Variants in PDE9A observed in about 807,000 individuals in gnomAD.
The protein encoded by PDE9A is high affinity cGMP-specific 3',5'-cyclic phosphodiesterase 9A.
Under a neutral mutation model 87.4 loss-of-function variants are expected in PDE9A, and 60 were observed. The ratio of observed to expected loss-of-function variants is 0.69; its 90% confidence interval spans 0.56 to 0.85. PDE9A has a LOEUF of 0.85. PDE9A is among the 40% of genes least tolerant of loss of function. The pLI, the probability that PDE9A is intolerant of heterozygous loss-of-function variation, is 0.00. For synonymous variants in PDE9A, 272 were observed against 279.4 expected, an observed-to-expected ratio of 0.97 and a Z score of 0.27; for missense variants, 665 against 779.0, an observed-to-expected ratio of 0.85 and a Z score of 1.74.
chr21:42,772,292 G>T (rs996394901), intron 18 of PDE9A, 147 bp from the exon 19 acceptor site: 4 of 613,906 alleles, frequency 6.5e-6, no homozygotes, highest in Non-Finnish European at 1.2e-5. Context: ...AAAAGCCCAT[G>T]TCAGGAGTGC....
intron 1 of PDE9A, among the ~76,000 whole-genome samples, chr21:42,682,906 C>A (rs1043613193): frequency 2.6e-5 from 4 of 152,340 alleles, no homozygotes; most frequent in Non-Finnish European, 4.4e-5. Flanking sequence ...GGAACCTTTG[C>A]AGATATTGCC....
At chr21:42,689,705 A>C in intron 3 of PDE9A, 2 of 985,454 alleles carry the variant, frequency 2.0e-6, no homozygotes, top group South Asian at 9.4e-5. Context: ...AAGAGACAGT[A>C]TCAGACACAC....
In PDE9A at chr21:42,692,520, G is replaced by A. The variant is rs1022421802; in HGVS notation, c.218+4526G>A. Among the ~76,000 whole-genome samples, 1 of 152,096 alleles carries A rather than the reference G, an allele frequency of 6.6e-6. No homozygotes were observed. Among genetic ancestry groups the A allele is most frequent in the Non-Finnish European group, 1.5e-5 (1 of 68,006 alleles). On this transcript the variant is annotated intron_variant, in intron 3 of 19. Transcript: ENST00000291539. This position sits in a 1 kb window ranked among gnomAD's most constrained non-coding sequence, Gnocchi z 4.3. ...AACCTAGTAGTTCTCAGACAACTGC[G>A]TCAGAATCCGCAGGGGGCTTGGTGG...
chr21:42,659,422 C>T lies in PDE9A; in HGVS notation c.69+5539C>T, dbSNP rs534038520. ...ACAGCCTCGCCTCATCCGCCTTTCCCACTTGCCAGCCGGGAGGCCTGGGCA... is the reference window on the plus strand; with the variant it reads ...ACAGCCTCGCCTCATCCGCCTTTCCTACTTGCCAGCCGGGAGGCCTGGGCA... On this transcript the variant is annotated intron_variant, in intron 1 of 19. Coordinates refer to ENST00000291539, the MANE Select transcript of PDE9A (RefSeq NM_002606.3). This position sits in a 1 kb window ranked among gnomAD's most constrained non-coding sequence, Gnocchi z 4.1. Among the ~76,000 whole-genome samples the T allele has an allele frequency of 2.6e-3, 396 of 152,352 alleles. 1 individual carries two copies. The highest frequency in any genetic ancestry group is 5.3e-3 in the Admixed American group (81 of 15,304).
chr21:42,774,152 TAAAC>T (rs955350107), intron 19 of PDE9A, among the ~76,000 whole-genome samples: 9 of 152,068 alleles, frequency 5.9e-5, no homozygotes, highest in East Asian at 3.9e-4. Context: ...AATAAATAAA[TAAAC>T]AATAAATAAG....
chr21:42,770,683 A>C lies in PDE9A; in HGVS notation c.1591-20A>C. The C allele has an allele frequency of 6.3e-7, 1 of 1,592,244 alleles. No individual in the cohort carries two copies. Among genetic ancestry groups the C allele is most frequent in the South Asian group, 1.1e-5 (1 of 90,698 alleles). On this transcript the variant is annotated intron_variant, in intron 17 of 19. Transcript: ENST00000291539. Reference sequence around the variant, plus strand: ...CCTTAAGAACGAGGGACTCTGAATAAATCCGTGTGTCTCTCCCAGCTCTTC... The same window carrying C: ...CCTTAAGAACGAGGGACTCTGAATACATCCGTGTGTCTCTCCCAGCTCTTC...
intron 4 of PDE9A, chr21:42,700,767 G>A (rs2048323464): frequency 6.6e-6 from 1 of 152,172 alleles, no homozygotes; most frequent in Non-Finnish European, 1.5e-5. Flanking sequence ...CACCTTTGTG[G>A]AAAATCGATG....
chr21:42,772,129 C>T (rs533680659), intron 18 of PDE9A, among the ~76,000 whole-genome samples: 3 of 152,266 alleles, frequency 2.0e-5, no homozygotes, highest in Admixed American at 6.5e-5. Context: ...AGGAGAGACA[C>T]GCCAAAGAGG....
rs967343311 is a variant in PDE9A at position 42,760,580 on chromosome 21, C to T, written c.1002+148C>T. 6.3e-6 allele frequency: 4 copies of T among 636,978 alleles called. No homozygotes were observed. Among genetic ancestry groups the T allele is most frequent in the African/African-American group, 1.8e-5 (1 of 55,014 alleles). The allele number at this position is 636,978 out of a possible 1,614,324, so 39.5% of individuals were successfully genotyped here. A position where few individuals can be genotyped will look rare whatever the true frequency, so the allele number is the denominator to read the frequency against. Reference sequence around the variant, plus strand: ...GCCCCTCCTAGGGACGCACCCCTGCCCACCGTTGTCAGTCACCCCATGGGC... The same window carrying T: ...GCCCCTCCTAGGGACGCACCCCTGCTCACCGTTGTCAGTCACCCCATGGGC... On this transcript the variant is annotated intron_variant, in intron 12 of 19. Coordinates refer to ENST00000291539, the MANE Select transcript of PDE9A (RefSeq NM_002606.3). This position sits in a 1 kb window ranked among gnomAD's most constrained non-coding sequence, Gnocchi z 5.2.
chr21:42,742,911 A>C (rs777854579), intron 7 of PDE9A, among the ~76,000 whole-genome samples: 38 of 152,114 alleles, frequency 2.5e-4, no homozygotes, highest in Non-Finnish European at 5.3e-4. Context: ...CAATTTAGGG[A>C]GGGTCAGAAT....
At chr21:42,697,156 A>G (rs935147406) in intron 3 of PDE9A, among the ~76,000 whole-genome samples, 7 of 151,810 alleles carry the variant, frequency 4.6e-5, no homozygotes, top group African/African-American at 1.7e-4. Flanking sequence ...TCTAGTCCCC[A>G]GCACTTGGGC....
rs925507307 is a variant in PDE9A at position 42,705,864 on chromosome 21, C to T, written c.262+6853C>T. Among the ~76,000 whole-genome samples, 6 of 151,990 alleles carry T rather than the reference C, an allele frequency of 3.9e-5. No individual in the cohort carries two copies. The highest frequency in any genetic ancestry group is 7.4e-5 in the Non-Finnish European group (5 of 67,950). ...TCACACACACCCTGTTCAGCCTCTG[C>T]ATCTGGCCCCCGCGGAGACCCACAC... On this transcript the variant is annotated intron_variant, in intron 4 of 19. Coordinates refer to ENST00000291539, the MANE Select transcript of PDE9A (RefSeq NM_002606.3). The surrounding 1 kb of genome is among the most constrained non-coding windows in gnomAD (Gnocchi z 4.3).
chr21:42,671,623 CACAG>C (rs1475510035), intron 1 of PDE9A, among the ~76,000 whole-genome samples: 1 of 151,968 alleles, frequency 6.6e-6, no homozygotes, highest in Admixed American at 6.6e-5. Flanking sequence ...TGCAGATGTA[CACAG>C]ACAGATGGAT....
Position 42,775,456 on chromosome 21 carries a change from G to A in PDE9A, c.*163G>A, listed in dbSNP as rs1210800257. ...AAAAAAAAAAGGAATTCATGATGCT[G>A]TACAGAATTTTATTTTTAAACTGTC... On this transcript the variant is annotated 3_prime_UTR_variant, in exon 20 of 20. Transcript: ENST00000291539. 6 of 543,688 alleles carry A rather than the reference G, an allele frequency of 1.1e-5. No individual in the cohort carries two copies. The highest frequency in any genetic ancestry group is 2.0e-5 in the Non-Finnish European group (6 of 305,586). The allele number at this position is 543,688 out of a possible 1,614,324, so 33.7% of individuals were successfully genotyped here. A position where few individuals can be genotyped will look rare whatever the true frequency, so the allele number is the denominator to read the frequency against.
chr21:42,744,999 G>A (rs748786991), intron 8 of PDE9A, among the ~76,000 whole-genome samples: 22 of 152,204 alleles, frequency 1.4e-4, no homozygotes, highest in Non-Finnish European at 2.2e-4. Flanking sequence ...GCCACTGCCC[G>A]GCCTCAGTGG....
chr21:42,732,833 G>C (rs931937113), intron 6 of PDE9A, among the ~76,000 whole-genome samples: 1 of 152,226 alleles, frequency 6.6e-6, no homozygotes, highest in African/African-American at 2.4e-5. Context: ...AGAATCACTT[G>C]AACCCGGGAG....
At chr21:42,697,467 A>G (rs1035986351) in intron 3 of PDE9A, 26 of 1,610,028 alleles carry the variant, frequency 1.6e-5, no homozygotes, top group Non-Finnish European at 2.0e-5. Context: ...TTTACCTAGT[A>G]AGGAGTCATG....
At chr21:42,701,238 TC>T (rs1369123693) in intron 4 of PDE9A, 1 of 152,166 alleles carries the variant, frequency 6.6e-6, no homozygotes, top group Non-Finnish European at 1.5e-5. Context: ...GACTTTTTTT[TC>T]ATTTCAATTT....
chr21:42,707,652 T>C (rs113791156), intron 4 of PDE9A, among the ~76,000 whole-genome samples: 2,838 of 152,108 alleles, frequency 0.019, 43 homozygotes, highest in Non-Finnish European at 0.029. Context: ...CGGTGGGCTT[T>C]TGAGGATTTC....
Sources: gnomAD v4.1 joint callset for allele counts (sites outside exome capture counted in the v4.1 genomes callset) on GRCh38, gnomAD v4.1.1 for gene constraint, Gnocchi (gnomAD v3.1) non-coding constraint, MANE v1.5 for transcripts, NCBI Gene and HGNC (gene_info 2026-07-23, HGNC 2026-07-21) for gene names.